ENDOV: variants seen among roughly 807,000 people sequenced by gnomAD.
ENDOV encodes the protein hEndoV.
A neutral mutation model predicts 39.4 loss-of-function variants in ENDOV; 37 were observed. The ratio of observed to expected loss-of-function variants is 0.94; its 90% CI spans 0.72 to 1.23. The LOEUF (loss-of-function observed/expected upper bound fraction) is 1.23, where lower values mean the gene tolerates loss of function less well. Ranked by LOEUF, ENDOV falls within the 50% of genes most tolerant of loss-of-function variation. The probability of loss-of-function intolerance (pLI) is 0.00; values close to 1 mark genes in which losing one functional copy is unlikely to be tolerated. For synonymous variants in ENDOV, 186 were observed against 163.4 expected (o/e 1.14, Z -1.05); for missense variants, 441 against 375.7 (o/e 1.17, Z -1.44).
Position 80,430,462 on chromosome 17 carries a change from C to T in ENDOV, c.838+631C>T, listed in dbSNP as rs2083264525. On this transcript the variant is annotated intron_variant, in intron 9 of 9. Coordinates refer to ENST00000518137, the MANE Select transcript of ENDOV (RefSeq NM_173627.5). Reference sequence around the variant, plus strand: ...AGGGTTCATTTTTAAAGCAGGTCCTCAGCCCCAGCCACACTGAACCACCTC... The same window carrying T: ...AGGGTTCATTTTTAAAGCAGGTCCTTAGCCCCAGCCACACTGAACCACCTC... The T allele has an allele frequency of 2.7e-6, 3 of 1,131,732 alleles. No individual in the cohort carries two copies. In the African/African-American group the frequency reaches 4.7e-5, roughly 18 times the overall value. 70.1% of individuals were successfully genotyped at this position (1,131,732 alleles called of 1,614,324 possible).
chr17:80,436,049 C>A, intron 9 of ENDOV, 84 bp from the exon 10 acceptor site: 1 of 1,490,284 alleles, frequency 6.7e-7, no homozygotes, highest in Non-Finnish European at 9.2e-7. Flanking sequence ...GCCACTGCAC[C>A]TGGCCCATTT....
In ENDOV at chr17:80,435,645, C is replaced by T. The variant is rs41302942; in HGVS notation, c.839-488C>T. On this transcript the variant is annotated intron_variant, in intron 9 of 9. Transcript: ENST00000518137. ...AATTTTTTTTTTTGAGACAGAGTCT[C>T]GCTGTGTCGCCCAGGCTGGTGTGCG... 9.5e-3 allele frequency among the ~76,000 whole-genome samples: 1,443 copies of T among 152,034 alleles called. 25 individuals carry two copies. Among genetic ancestry groups the T allele is most frequent in the African/African-American group, 0.032 (1,326 of 41,424 alleles).
At chr17:80,419,186 A>C (rs943864252) in intron 2 of ENDOV, among the ~76,000 whole-genome samples, 2 of 151,902 alleles carry the variant, frequency 1.3e-5, no homozygotes, top group African/African-American at 2.4e-5. Context: ...AAAAAAAAAA[A>C]AAACAGATTC....
At chr17:80,424,816 G>A (rs113736822) in intron 5 of ENDOV, among the ~76,000 whole-genome samples, 5 of 152,166 alleles carry the variant, frequency 3.3e-5, no homozygotes, top group South Asian at 2.1e-4. Context: ...TTAGCCGGGC[G>A]TGGTGGCACA....
chr17:80,429,969 G>A (rs768010039), intron 9 of ENDOV, 138 bp downstream of exon 9: 16 of 1,552,062 alleles, frequency 1.0e-5, no homozygotes, highest in East Asian at 9.6e-5. Flanking sequence ...CGGCCACCCC[G>A]TTCTGGCCTC....
intron 2 of ENDOV, among the ~76,000 whole-genome samples, chr17:80,418,999 G>A (rs796126232): frequency 4.6e-5 from 7 of 151,992 alleles, no homozygotes; most frequent in African/African-American, 1.7e-4. Flanking sequence ...GTGAAACCCT[G>A]TGTCTACTAA....
chr17:80,432,568 T>C (rs1166562927), intron 9 of ENDOV, among the ~76,000 whole-genome samples: 2 of 151,908 alleles, frequency 1.3e-5, no homozygotes, highest in Non-Finnish European at 2.9e-5. Context: ...GAGGCAGAGG[T>C]CCCGTGTCAT....
intron 9 of ENDOV, chr17:80,430,285 C>T (rs982359396): frequency 6.7e-7 from 1 of 1,500,846 alleles, no homozygotes; most frequent in South Asian, 1.3e-5. Context: ...CTGCACGACC[C>T]CTGCAGCCTG....
chr17:80,422,727 T>C (rs947904677), intron 4 of ENDOV, among the ~76,000 whole-genome samples: 3 of 146,728 alleles, frequency 2.0e-5, no homozygotes, highest in African/African-American at 7.7e-5. Context: ...TGAGACGGAG[T>C]CTCGCTCTGT....
chr17:80,415,470 C>T, intron 1 of ENDOV, 180 bp from the exon 2 acceptor site: 1 of 1,018,366 alleles, frequency 9.8e-7, no homozygotes, highest in South Asian at 1.7e-5. Context: ...CTGGCCTGCG[C>T]TTGCGCGGGT....
At chr17:80,416,433 G>A (rs1466023359) in intron 2 of ENDOV, among the ~76,000 whole-genome samples, 1 of 151,818 alleles carries the variant, frequency 6.6e-6, no homozygotes, top group Non-Finnish European at 1.5e-5. Context: ...CATCCTCCTG[G>A]GCCCCTCCGT....
rs367553290 is a variant in ENDOV at position 80,421,867 on chromosome 17, C to G, written c.268C>G (p.Pro90Ala). 347 of 1,605,096 alleles carry G rather than the reference C, an allele frequency of 2.2e-4. 4 individuals carry two copies. In the South Asian group the frequency reaches 3.9e-3, roughly 18 times the overall value. ...GAGCCGCATGGTCAGCCTCACAGCCCCCTACGTGTCGGGCTTCCTGGCCTT... is the reference window on the plus strand; with the variant it reads ...GAGCCGCATGGTCAGCCTCACAGCCGCCTACGTGTCGGGCTTCCTGGCCTT... ...EESRMVSLTA[P>A]YVSGFLAFRE... Residue 90 changes from proline to alanine, a missense_variant, in exon 3 of 10, where the codon CCC becomes GCC. Pro to Ala is a conservative substitution (Grantham distance 27). Coordinates refer to ENST00000518137, the MANE Select transcript of ENDOV (RefSeq NM_173627.5).
At chr17:80,433,462 G>C (rs1191730377) in intron 9 of ENDOV, among the ~76,000 whole-genome samples, 1 of 152,244 alleles carries the variant, frequency 6.6e-6, no homozygotes, top group Non-Finnish European at 1.5e-5. Flanking sequence ...ACCTGAGCTG[G>C]CAGCTCCTCA....
At chr17:80,419,701 G>A in intron 2 of ENDOV, 1 of 702,108 alleles carries the variant, frequency 1.4e-6, no homozygotes, top group Non-Finnish European at 2.6e-6. Context: ...AGGCTGCGAT[G>A]ACGTCCAGCT....
At chr17:80,423,706 A>T in intron 5 of ENDOV, 74 bp downstream of exon 5, 1 of 1,403,560 alleles carries the variant, frequency 7.1e-7, no homozygotes, top group Non-Finnish European at 9.7e-7. Context: ...GCATGAGGAC[A>T]CTTCTGGACC....
At position 80,425,571 on chromosome 17, in the gene ENDOV, G is replaced by A. The variant is rs775146831; in HGVS notation, c.665G>A (p.Arg222His). The part of the protein sequence containing the change: ...GHRMSLEAAV[R>H]LTCCCCRFRI... ...AGGATGAGCCTGGAGGCCGCTGTGC[G>A]CCTGACTTGCTGCTGCTGCAGGTTC... The change falls in exon 7 of 10, where the codon CGC becomes CAC. Residue 222 changes from arginine to histidine, a missense_variant. By Grantham distance (29) the Arg-to-His change is conservative. Transcript: ENST00000518137. 27 of 1,591,914 alleles carry A rather than the reference G, an allele frequency of 1.7e-5. No homozygotes were observed. The highest frequency in any genetic ancestry group is 8.0e-5 in the South Asian group (7 of 87,826).
intron 2 of ENDOV, among the ~76,000 whole-genome samples, chr17:80,419,191 A>G (rs1160195071): frequency 6.8e-6 from 1 of 146,516 alleles, no homozygotes; most frequent in African/African-American, 2.5e-5. Flanking sequence ...AAAAAAAAAC[A>G]GATTCCAGAG....
chr17:80,427,600 T>A (rs2082870056), intron 7 of ENDOV: 4 of 1,128,494 alleles, frequency 3.5e-6, no homozygotes, highest in Non-Finnish European at 4.4e-6. Flanking sequence ...GAGCCGAGGA[T>A]CGTGTCCTGC....
rs759977970 is a variant in ENDOV at position 80,421,847 on chromosome 17, G to T, written c.248G>T (p.Arg83Leu). ...PELEVVYEESRMVSLTAPYVS... is the reference protein window; with the variant it reads ...PELEVVYEESLMVSLTAPYVS... ...TGTCAGGTGGTGTATGAGGAGAGCCGCATGGTCAGCCTCACAGCCCCCTAC... is the reference window on the plus strand; with the variant it reads ...TGTCAGGTGGTGTATGAGGAGAGCCTCATGGTCAGCCTCACAGCCCCCTAC... The change falls in exon 3 of 10, where the codon CGC (arginine) becomes CTC (leucine). Residue 83 changes from arginine to leucine, a missense_variant. Transcript: ENST00000518137. The T allele has an allele frequency of 9.4e-6, 15 of 1,599,572 alleles. No homozygotes were observed. The highest frequency in any genetic ancestry group is 1.3e-5 in the Non-Finnish European group (15 of 1,173,626).
Sources: gnomAD v4.1 joint callset for allele counts (sites outside exome capture counted in the v4.1 genomes callset) on GRCh38, gnomAD v4.1.1 for gene constraint, MANE v1.5 for transcripts, NCBI Gene and HGNC (gene_info 2026-07-23, HGNC 2026-07-21) for gene names.